LRP1B: variants seen among roughly 807,000 people sequenced by gnomAD.
The protein encoded by LRP1B is LDL receptor related protein 1B.
LRP1B carries 217 observed loss-of-function variants against 556.6 expected under a neutral mutation model. The observed-to-expected ratio is 0.39, with a 90% CI of 0.35 to 0.44. The LOEUF (loss-of-function observed/expected upper bound fraction) is 0.44, where lower values mean the gene tolerates loss of function less well. Ranked by LOEUF, LRP1B falls within the 20% of genes least tolerant of loss-of-function variation. The probability of loss-of-function intolerance (pLI) is 1.00; values close to 1 mark genes in which losing one functional copy is unlikely to be tolerated. For synonymous variants in LRP1B, 2,047 were observed against 1,865.8 expected (o/e 1.10, Z -2.50); for missense variants, 5,053 against 5,620.8 (o/e 0.90, Z 3.23).
intron 90 of LRP1B, among the ~76,000 whole-genome samples, chr2:140,234,496 GCTT>G (rs1198380418): frequency 1.3e-5 from 2 of 151,214 alleles, no homozygotes; most frequent in African/African-American, 4.8e-5. Flanking sequence ...TCTGGCTAGA[GCTT>G]CTTTGCTAAG....
At chr2:141,312,987 T>C (rs910867741) in intron 3 of LRP1B, among the ~76,000 whole-genome samples, 1 of 152,182 alleles carries the variant, frequency 6.6e-6, no homozygotes, top group African/African-American at 2.4e-5. Context: ...GGACTGCTAA[T>C]TCTTTTATTT....
At chr2:141,425,356 T>C (rs1680320737) in intron 3 of LRP1B, among the ~76,000 whole-genome samples, 1 of 147,436 alleles carries the variant, frequency 6.8e-6, no homozygotes, top group South Asian at 2.2e-4. Flanking sequence ...TCTTTGCTAT[T>C]GTGAATAGTG....
In LRP1B at chr2:141,648,643, T is replaced by C. The variant is rs555535683; in HGVS notation, c.205+161636A>G. Among the ~76,000 whole-genome samples, 13 of 152,354 alleles carry C rather than the reference T, an allele frequency of 8.5e-5. No homozygotes were observed. The South Asian group carries it at 2.7e-3, about 32-fold the overall frequency. On this transcript the variant is annotated intron_variant, in intron 2 of 90. Coordinates refer to ENST00000389484, the MANE Select transcript of LRP1B (RefSeq NM_018557.3). ...TATTACCAATGCCTAGTATAATCCA[T>C]AGCACATAGAATATGTTCAGTAAAT... is the stretch of plus-strand genomic sequence containing the variant.
At chr2:141,000,052 C>A (rs1319409609) in intron 15 of LRP1B, among the ~76,000 whole-genome samples, 6 of 151,992 alleles carry the variant, frequency 3.9e-5, no homozygotes, top group Non-Finnish European at 8.8e-5. Flanking sequence ...GTACTTGGGT[C>A]TACAAGCGTG....
At chr2:141,268,409 G>A (rs181813699) in intron 3 of LRP1B, among the ~76,000 whole-genome samples, 1 of 152,118 alleles carries the variant, frequency 6.6e-6, no homozygotes, top group Non-Finnish European at 1.5e-5. Context: ...TAAGCCAGAG[G>A]TTGAAGATAA....
chr2:141,059,393 T>C (rs1699276367), intron 8 of LRP1B, among the ~76,000 whole-genome samples: 1 of 151,754 alleles, frequency 6.6e-6, no homozygotes, highest in African/African-American at 2.4e-5. Context: ...CTGTTATACA[T>C]AATTTGAGAT....
intron 1 of LRP1B, among the ~76,000 whole-genome samples, chr2:142,086,381 G>A (rs528974016): frequency 6.6e-6 from 1 of 152,246 alleles, no homozygotes; most frequent in African/African-American, 2.4e-5. Context: ...AGGCCGAGGT[G>A]GACGGATCAC....
chr2:141,933,243 T>C (rs1344157898), intron 1 of LRP1B, among the ~76,000 whole-genome samples: 1 of 151,814 alleles, frequency 6.6e-6, no homozygotes, highest in Non-Finnish European at 1.5e-5. Flanking sequence ...GAAAAAAAAA[T>C]TGTTGCAAAG....
intron 2 of LRP1B, among the ~76,000 whole-genome samples, chr2:141,716,536 G>A (rs897762713): frequency 2.0e-5 from 3 of 152,052 alleles, no homozygotes; most frequent in Admixed American, 6.6e-5. Flanking sequence ...AGAAATTTAG[G>A]AGGGATAAAG....
At chr2:140,806,591 T>A (rs1360834390) in intron 32 of LRP1B, among the ~76,000 whole-genome samples, 1 of 152,182 alleles carries the variant, frequency 6.6e-6, no homozygotes, top group Non-Finnish European at 1.5e-5. Flanking sequence ...GACAAATTAC[T>A]ACATGACTCA....
intron 11 of LRP1B, among the ~76,000 whole-genome samples, chr2:141,027,779 A>G (rs1698254790): frequency 6.6e-6 from 1 of 152,138 alleles, no homozygotes; most frequent in African/African-American, 2.4e-5. Context: ...TAATTAGTTA[A>G]TGAGGGTGGT....
intron 3 of LRP1B, among the ~76,000 whole-genome samples, chr2:141,291,878 A>AAAAAAAAAAC (rs1685977720): frequency 1.3e-5 from 1 of 77,626 alleles, no homozygotes; most frequent in African/African-American, 3.5e-5. Flanking sequence ...AAAAAAAAAA[A>AAAAAAAAAAC]AAAAAAAAAA....
intron 66 of LRP1B, among the ~76,000 whole-genome samples, chr2:140,405,175 G>A (rs1047565624): frequency 6.6e-6 from 1 of 152,116 alleles, no homozygotes; most frequent in Admixed American, 6.5e-5. Context: ...AATGATAATA[G>A]TGACACAACT....
intron 1 of LRP1B, among the ~76,000 whole-genome samples, chr2:142,078,802 G>C (rs1016967728): frequency 6.6e-6 from 1 of 151,854 alleles, no homozygotes; most frequent in Non-Finnish European, 1.5e-5. Flanking sequence ...GGGTTTTTTT[G>C]GTAATCTAGA....
At chr2:141,591,290 C>T (rs965665945) in intron 2 of LRP1B, among the ~76,000 whole-genome samples, 11 of 152,028 alleles carry the variant, frequency 7.2e-5, no homozygotes, top group Admixed American at 2.0e-4. Context: ...TAGGAAAGAT[C>T]CAGATGCCTT....
At chr2:141,419,116 T>G (rs922726305) in intron 3 of LRP1B, among the ~76,000 whole-genome samples, 1 of 152,158 alleles carries the variant, frequency 6.6e-6, no homozygotes, top group Non-Finnish European at 1.5e-5. Context: ...CTAATTGCTC[T>G]GGCTAGGACT....
intron 2 of LRP1B, among the ~76,000 whole-genome samples, chr2:141,772,879 G>A (rs184900070): frequency 1.2e-4 from 18 of 152,218 alleles, no homozygotes; most frequent in African/African-American, 2.9e-4. Flanking sequence ...CTTTCTACCC[G>A]TCAGGGCTGG....
rs555388719 is a variant in LRP1B at position 141,954,359 on chromosome 2, C to T, written c.83-143958G>A. 2.0e-5 allele frequency among the ~76,000 whole-genome samples: 3 copies of T among 152,134 alleles called. No homozygotes were observed. The South Asian group carries it at 6.2e-4, about 32-fold the overall frequency. The stretch of plus-strand genomic sequence containing the variant: ...ATAAAGAAAAATGACTGACACAGGG[C>T]AGATGCACCATGTATCTTAATGCCA... On this transcript the variant is annotated intron_variant, in intron 1 of 90. Coordinates refer to ENST00000389484, the MANE Select transcript of LRP1B (RefSeq NM_018557.3).
chr2:142,010,112 T>C (rs1702910373), intron 1 of LRP1B, among the ~76,000 whole-genome samples: 1 of 152,146 alleles, frequency 6.6e-6, no homozygotes, highest in African/African-American at 2.4e-5. Flanking sequence ...ATTTTGGCAA[T>C]GCCCAAAGAT....
Sources: allele counts gnomAD v4.1 joint callset (sites outside exome capture counted in the v4.1 genomes callset), GRCh38; gene constraint gnomAD v4.1.1; transcripts MANE v1.5; gene names NCBI Gene and HGNC (gene_info 2026-07-23, HGNC 2026-07-21).